ASAP1: variants seen among roughly 807,000 people sequenced by gnomAD.
ASAP1 encodes arf-GAP with SH3 domain, ANK repeat and PH domain-containing protein 1.
In ASAP1, 43 loss-of-function variants were observed where a neutral mutation model predicts 145.2. The observed-to-expected ratio is 0.30, with a 90% CI of 0.23 to 0.38. ASAP1 has a LOEUF of 0.38. Ranked by LOEUF, ASAP1 falls within the 10% of genes least tolerant of loss-of-function variation. The pLI, the probability that ASAP1 is intolerant of heterozygous loss-of-function variation, is 1.00. For synonymous variants in ASAP1, 546 were observed against 515.5 expected (o/e 1.06, Z -0.80); for missense variants, 1,018 against 1,355.3 (o/e 0.75, Z 3.91).
chr8:130,158,187 G>A (rs546074574), intron 12 of ASAP1, among the ~76,000 whole-genome samples: 20 of 151,996 alleles, frequency 1.3e-4, no homozygotes, highest in African/African-American at 4.6e-4. Context: ...CAAGTAATCA[G>A]AAAACAAGGA....
chr8:130,293,000 G>A (rs1385594231), intron 3 of ASAP1, among the ~76,000 whole-genome samples: 2 of 152,202 alleles, frequency 1.3e-5, no homozygotes, highest in East Asian at 3.8e-4. Flanking sequence ...GGAAGCCACT[G>A]CTCAAGATAC....
intron 2 of ASAP1, among the ~76,000 whole-genome samples, chr8:130,376,831 A>G (rs1827520893): frequency 7.1e-6 from 1 of 141,354 alleles, no homozygotes; most frequent in South Asian, 2.5e-4. Flanking sequence ...TGAAGCCGGG[A>G]GGCAGAGGTT....
intron 24 of ASAP1, among the ~76,000 whole-genome samples, chr8:130,108,366 C>T (rs915965107): frequency 1.1e-4 from 17 of 152,188 alleles, no homozygotes; most frequent in Non-Finnish European, 2.2e-4. Context: ...CCTTTCTAAA[C>T]GCTTAAAAGG....
At chr8:130,137,829 AAAC>A (rs977561722) in intron 13 of ASAP1, among the ~76,000 whole-genome samples, 3 of 152,164 alleles carry the variant, frequency 2.0e-5, no homozygotes, top group Non-Finnish European at 2.9e-5. Context: ...ACACTGGTCA[AAAC>A]ACTCTCCTGC....
intron 11 of ASAP1, among the ~76,000 whole-genome samples, chr8:130,161,216 A>T (rs1399890896): frequency 6.6e-6 from 1 of 152,084 alleles, no homozygotes; most frequent in East Asian, 1.9e-4. Context: ...ATTTTTCCCC[A>T]AGGGAAAAGA....
At chr8:130,176,472 A>G (rs16904208) in intron 9 of ASAP1, among the ~76,000 whole-genome samples, 27,095 of 151,996 alleles carry the variant, frequency 0.18, 3,051 homozygotes, top group East Asian at 0.44. Flanking sequence ...TGGTTCTACT[A>G]CTTGATGTCT....
chr8:130,358,010 G>A lies in ASAP1; in HGVS notation c.186+7C>T, dbSNP rs766761637. ...GCGTGGACGGCGGGGGTCCCGGCCC[G>A]ACCTACCTCCTCCAGCAGCGTGACG... On this transcript the variant is annotated splice_region_variant and intron_variant, in intron 3 of 29. Transcript: ENST00000518721. The surrounding 1 kb of genome is among the most constrained non-coding windows in gnomAD (Gnocchi z 4.1). 78 of 1,602,694 alleles carry A rather than the reference G, an allele frequency of 4.9e-5. No individual in the cohort carries two copies. The highest frequency in any genetic ancestry group is 6.7e-5 in the Admixed American group (4 of 59,374).
chr8:130,164,177 A>C (rs1269750145), intron 11 of ASAP1, among the ~76,000 whole-genome samples: 1 of 152,250 alleles, frequency 6.6e-6, no homozygotes, highest in Non-Finnish European at 1.5e-5. Context: ...AATCTGTCAA[A>C]CCTGCAAACG....
chr8:130,215,647 G>A (rs1299376462), intron 4 of ASAP1, among the ~76,000 whole-genome samples: 1 of 152,152 alleles, frequency 6.6e-6, no homozygotes, highest in Non-Finnish European at 1.5e-5. Flanking sequence ...GGGAGGCGGA[G>A]GCAGGAGAAT....
intron 3 of ASAP1, among the ~76,000 whole-genome samples, chr8:130,250,760 T>TA (rs939446533): frequency 4.0e-5 from 6 of 151,592 alleles, no homozygotes; most frequent in South Asian, 2.1e-4. Context: ...CTGATGGAGT[T>TA]AAAAAAAAAT....
intron 2 of ASAP1, among the ~76,000 whole-genome samples, chr8:130,368,852 T>G (rs9694314): frequency 6.6e-6 from 1 of 152,114 alleles, no homozygotes. Flanking sequence ...GTCCAACCCT[T>G]GGACTTCCTA....
intron 7 of ASAP1, among the ~76,000 whole-genome samples, chr8:130,181,134 C>T (rs1286054500): frequency 6.6e-6 from 1 of 152,164 alleles, no homozygotes; most frequent in Non-Finnish European, 1.5e-5. Flanking sequence ...ACAAACCACA[C>T]TCATGTCTTC....
At chr8:130,380,535 G>T (rs988684683) in intron 2 of ASAP1, among the ~76,000 whole-genome samples, 1 of 152,130 alleles carries the variant, frequency 6.6e-6, no homozygotes, top group South Asian at 2.1e-4. Flanking sequence ...TCCACCAACC[G>T]GCTGGGGTCA....
intron 1 of ASAP1, among the ~76,000 whole-genome samples, chr8:130,442,073 G>A (rs982963468): frequency 3.9e-5 from 6 of 152,170 alleles, no homozygotes; most frequent in African/African-American, 1.2e-4. Context: ...ACTTAGTGGC[G>A]TTAGGTGATT....
At chr8:130,265,611 A>C (rs573530105) in intron 3 of ASAP1, among the ~76,000 whole-genome samples, 1 of 150,974 alleles carries the variant, frequency 6.6e-6, no homozygotes, top group South Asian at 2.1e-4. Flanking sequence ...TTGGCAGCTC[A>C]CACTTGTAAT....
intron 3 of ASAP1, among the ~76,000 whole-genome samples, chr8:130,262,446 GA>G (rs1565149016): frequency 0.067 from 7,779 of 116,092 alleles, 855 homozygotes; most frequent in East Asian, 0.24. Flanking sequence ...GAGAGAGAGA[GA>G]GAGAGAGAGA....
Position 130,175,497 on chromosome 8 carries a change from A to ACT in ASAP1, c.746+3766_746+3767insAG, listed in dbSNP as rs558435388. On this transcript the variant is annotated intron_variant, in intron 9 of 29. Coordinates refer to ENST00000518721, the MANE Select transcript of ASAP1 (RefSeq NM_018482.4). ...TGCATCGGCCTCCTAAAGTGCTAGG[A>ACT]TTATAGGTGTGAGCCAGTACACCTG... Among the ~76,000 whole-genome samples, 90 of 152,260 alleles carry ACT rather than the reference A, an allele frequency of 5.9e-4. No homozygotes were observed. The East Asian group carries it at 0.015, about 25-fold the overall frequency.
chr8:130,145,330 T>C (rs1028518445), intron 13 of ASAP1, among the ~76,000 whole-genome samples: 1 of 152,180 alleles, frequency 6.6e-6, no homozygotes, highest in African/African-American at 2.4e-5. Flanking sequence ...GTTTTTTTCT[T>C]TTTTTTAGAC....
At chr8:130,139,736 C>CA (rs1458397192) in intron 13 of ASAP1, among the ~76,000 whole-genome samples, 2 of 140,866 alleles carry the variant, frequency 1.4e-5, no homozygotes, top group African/African-American at 2.6e-5. Context: ...GACTCCATCT[C>CA]AAAAAAACAA....
Sources: gnomAD v4.1 joint callset for allele counts (sites outside exome capture counted in the v4.1 genomes callset) on GRCh38, gnomAD v4.1.1 for gene constraint, Gnocchi (gnomAD v3.1) non-coding constraint, MANE v1.5 for transcripts, NCBI Gene and HGNC (gene_info 2026-07-23, HGNC 2026-07-21) for gene names.